COL13A1: variants seen among roughly 807,000 people sequenced by gnomAD.
COL13A1 encodes the protein collagen type XIII alpha 1 chain.
A neutral mutation model predicts 130.9 loss-of-function variants in COL13A1; 89 were observed. The observed-to-expected ratio is 0.68, with a 90% confidence interval of 0.57 to 0.81. The LOEUF is 0.81. COL13A1 is among the 30% of genes least tolerant of loss of function. The pLI is 0.00. For synonymous variants in COL13A1, 402 were observed against 341.6 expected, an observed-to-expected ratio of 1.18 and a Z score of -1.95; for missense variants, 879 against 934.6, an observed-to-expected ratio of 0.94 and a Z score of 0.78.
rs570224042 is a variant in COL13A1, at chr10:69,823,633, G to A, written c.364+1195G>A. On this transcript the variant is annotated intron_variant, in intron 2 of 40. Coordinates refer to ENST00000645393, the MANE Select transcript of COL13A1 (RefSeq NM_001368882.1). ...GACAGATGTTAAGCATATGGGAAAC[G>A]AAGGACCGCATTTGCTGGAGAGTGA... Among the ~76,000 whole-genome samples, 8 of 152,302 alleles carry A rather than the reference G, an allele frequency of 5.3e-5. No individual in the cohort carries two copies. In the South Asian group the frequency reaches 1.2e-3, roughly 24 times the overall value.
intron 2 of COL13A1, among the ~76,000 whole-genome samples, chr10:69,835,462 TACTCCCTGGCAAGTTCCTGTTCAGCC>T (rs1849802087): frequency 6.6e-6 from 1 of 152,112 alleles, no homozygotes. Context: ...TCTCCCCTGT[TACTCCCTGGCAAGTTCCTGTTCAGCC>T]ACTAAGGCGA....
intron 2 of COL13A1, among the ~76,000 whole-genome samples, chr10:69,848,164 T>A (rs1853672011): frequency 6.6e-6 from 1 of 152,230 alleles, no homozygotes; most frequent in East Asian, 1.9e-4. Flanking sequence ...TCAGGACAAT[T>A]GCAGAGGCTG....
intron 14 of COL13A1, among the ~76,000 whole-genome samples, chr10:69,900,559 G>A (rs2062084529): frequency 6.6e-6 from 1 of 152,200 alleles, no homozygotes; most frequent in African/African-American, 2.4e-5. Context: ...TTTTTATGCT[G>A]TCAGCCACTA....
intron 1 of COL13A1, among the ~76,000 whole-genome samples, chr10:69,807,310 T>G (rs1418567498): frequency 6.6e-6 from 1 of 152,316 alleles, no homozygotes; most frequent in African/African-American, 2.4e-5. Flanking sequence ...TCCCTCCCAC[T>G]ATCTGTGATT....
Position 69,930,556 on chromosome 10 carries a change from A to C in COL13A1, c.1683+4A>C. 1 of 1,612,452 alleles carries C rather than the reference A, an allele frequency of 6.2e-7. No individual in the cohort carries two copies. Among genetic ancestry groups the C allele is most frequent in the East Asian group, 2.2e-5 (1 of 44,848 alleles). On this transcript the variant is annotated splice_donor_region_variant and intron_variant, in intron 30 of 40. Coordinates refer to ENST00000645393, the MANE Select transcript of COL13A1 (RefSeq NM_001368882.1). ...GACAGGACAAGCAGGCTCACCGGTG[A>C]GTGGCAGGGCTGGCTGCCCTTCCGT...
intron 14 of COL13A1, among the ~76,000 whole-genome samples, chr10:69,901,220 T>C (rs1158254679): frequency 6.6e-6 from 1 of 152,100 alleles, no homozygotes; most frequent in African/African-American, 2.4e-5. Context: ...GCTGCCACAG[T>C]GATTTCAACA....
chr10:69,932,674 CTTTAGA>C, intron 31 of COL13A1, 70 bp downstream of exon 31: 2 of 1,062,878 alleles, frequency 1.9e-6, no homozygotes, highest in Non-Finnish European at 2.9e-6. Context: ...TATTTCTGTG[CTTTAGA>C]ATGAAGCTTG....
intron 15 of COL13A1, among the ~76,000 whole-genome samples, chr10:69,904,455 G>T (rs564969689): frequency 2.0e-5 from 3 of 152,258 alleles, no homozygotes; most frequent in African/African-American, 7.2e-5. Context: ...CTCTCCCTCG[G>T]CTCACACCAC....
chr10:69,855,520 A>T (rs193073526), intron 2 of COL13A1, among the ~76,000 whole-genome samples: 37 of 152,322 alleles, frequency 2.4e-4, no homozygotes, highest in African/African-American at 8.7e-4. Flanking sequence ...CTAATAACTA[A>T]TAATTAGTAA....
chr10:69,837,279 G>T (rs1850354332), intron 2 of COL13A1, among the ~76,000 whole-genome samples: 2 of 152,288 alleles, frequency 1.3e-5, no homozygotes, highest in South Asian at 4.2e-4. Context: ...GGTTCTGATT[G>T]GTGGGTCTCT....
At chr10:69,887,337 C>A in intron 7 of COL13A1, 119 bp from the exon 8 acceptor site, 1 of 989,824 alleles carries the variant, frequency 1.0e-6, no homozygotes, top group South Asian at 1.4e-5. Flanking sequence ...CAGTGAGTGT[C>A]CCCCAAGGAC....
At chr10:69,861,911 G>A (rs543840214) in intron 2 of COL13A1, among the ~76,000 whole-genome samples, 18 of 152,288 alleles carry the variant, frequency 1.2e-4, no homozygotes, top group East Asian at 3.9e-4. Flanking sequence ...TCTTGTGGCC[G>A]AGAGATGTCA....
rs374926031 is a variant in COL13A1 at position 69,822,351 on chromosome 10, G to C, written c.295-18G>C. The stretch of plus-strand genomic sequence containing the variant: ...CTACGAGCTCCTGGTGACTCCTCTT[G>C]TCTGTCTCCTTGTACAGAAATGGAA... On this transcript the variant is annotated intron_variant, in intron 1 of 40. Transcript: ENST00000645393. 6.4e-6 allele frequency: 10 copies of C among 1,565,242 alleles called. No homozygotes were observed. The African/African-American group carries it at 1.2e-4, about 19-fold the overall frequency.
At chr10:69,899,939 T>C (rs2062022856) in intron 14 of COL13A1, among the ~76,000 whole-genome samples, 1 of 152,176 alleles carries the variant, frequency 6.6e-6, no homozygotes, top group Non-Finnish European at 1.5e-5. Flanking sequence ...TTCAGGCACC[T>C]GATTGAACAA....
At chr10:69,947,385 T>G in intron 38 of COL13A1, 43 bp downstream of exon 38, 3 of 1,560,542 alleles carry the variant, frequency 1.9e-6, no homozygotes, top group Non-Finnish European at 1.8e-6. Flanking sequence ...TACTAATGTC[T>G]TCATGATGGG....
rs1383638615 is a variant in COL13A1 at position 69,905,833 on chromosome 10, G to T, written c.921+11G>T. 2 of 1,613,556 alleles carry T rather than the reference G, an allele frequency of 1.2e-6. No individual in the cohort carries two copies. The highest frequency in any genetic ancestry group is 1.6e-4 in the Middle Eastern group (1 of 6,062). On this transcript the variant is annotated intron_variant, in intron 17 of 40. Transcript: ENST00000645393. ...TACCACGGCCGGAAGGTAAGATGGA[G>T]GGGGAGGACCCAAGTGGGGCAGGAC... is the stretch of plus-strand genomic sequence containing the variant.
At chr10:69,834,312 C>T (rs1186823785) in intron 2 of COL13A1, among the ~76,000 whole-genome samples, 2 of 152,104 alleles carry the variant, frequency 1.3e-5, no homozygotes, top group Non-Finnish European at 2.9e-5. Context: ...AGATCTATGG[C>T]CCAGTGCTTG....
intron 2 of COL13A1, among the ~76,000 whole-genome samples, chr10:69,827,952 T>C (rs917800470): frequency 1.3e-5 from 2 of 152,210 alleles, no homozygotes; most frequent in Non-Finnish European, 2.9e-5. Context: ...TTGATTTATT[T>C]CAGATCTTAG....
intron 7 of COL13A1, among the ~76,000 whole-genome samples, chr10:69,887,253 C>G (rs1056393729): frequency 9.9e-5 from 15 of 152,174 alleles, no homozygotes; most frequent in African/African-American, 3.6e-4. Flanking sequence ...CTTTCCCACC[C>G]CCAGCCCCTG....
Sources: gnomAD v4.1 joint callset for allele counts (sites outside exome capture counted in the v4.1 genomes callset) on GRCh38, gnomAD v4.1.1 for gene constraint, MANE v1.5 for transcripts, NCBI Gene and HGNC (gene_info 2026-07-23, HGNC 2026-07-21) for gene names.